ANKFN1: variants seen among roughly 807,000 people sequenced by gnomAD.
The protein encoded by ANKFN1 is ankyrin repeat and fibronectin type III domain containing 1.
A neutral mutation model predicts 108.7 loss-of-function variants in ANKFN1; 74 were observed. The ratio of observed to expected loss-of-function variants is 0.68; its 90% CI spans 0.56 to 0.83. The LOEUF is 0.83. Among genes scored for constraint, ANKFN1 ranks in the 40% least tolerant of loss-of-function variants. ANKFN1 has a pLI of 0.00. For missense variants in ANKFN1, 1,505 were observed against 1,382.3 expected (o/e 1.09, Z -1.41); for synonymous variants, 547 against 516.2 (o/e 1.06, Z -0.81).
intron 3 of ANKFN1, among the ~76,000 whole-genome samples, chr17:56,231,407 G>A (rs1165152895): frequency 1.3e-5 from 2 of 152,154 alleles, no homozygotes; most frequent in Non-Finnish European, 2.9e-5. Flanking sequence ...AAGCAGTACA[G>A]GGATGTAGCA....
chr17:56,251,017 T>C (rs1257271216), intron 3 of ANKFN1, among the ~76,000 whole-genome samples: 1 of 152,208 alleles, frequency 6.6e-6, no homozygotes, highest in Admixed American at 6.5e-5. Flanking sequence ...CAGTATTTCT[T>C]TAACTGGTTT....
At chr17:56,163,561 A>C (rs2143517344) in intron 1 of ANKFN1, among the ~76,000 whole-genome samples, 1 of 152,196 alleles carries the variant, frequency 6.6e-6, no homozygotes, top group South Asian at 2.1e-4. Flanking sequence ...ATACTTCCAT[A>C]CCTATGTTTC....
chr17:56,141,012 A>G (rs1907887765), intron 4 of ANKFN1, among the ~76,000 whole-genome samples: 1 of 152,184 alleles, frequency 6.6e-6, no homozygotes, highest in South Asian at 2.1e-4. Flanking sequence ...CTATGCACGT[A>G]ATGATTTAAG....
chr17:56,296,295 C>T (rs2044508093), intron 3 of ANKFN1, among the ~76,000 whole-genome samples: 1 of 151,894 alleles, frequency 6.6e-6, no homozygotes. Flanking sequence ...ATTTAAGATT[C>T]TCCAAAAAAA....
intron 8 of ANKFN1, among the ~76,000 whole-genome samples, chr17:56,421,643 C>T (rs2048408260): frequency 6.6e-6 from 1 of 152,144 alleles, no homozygotes. Flanking sequence ...CACTCAGAAA[C>T]CAAGCTTTAG....
chr17:56,308,781 A>C (rs937639147), intron 3 of ANKFN1, among the ~76,000 whole-genome samples: 1 of 152,154 alleles, frequency 6.6e-6, no homozygotes, highest in Non-Finnish European at 1.5e-5. Context: ...GAATGAATGA[A>C]TGCTGAATTT....
intron 11 of ANKFN1, among the ~76,000 whole-genome samples, chr17:56,449,755 C>G (rs2049421204): frequency 6.6e-6 from 1 of 152,174 alleles, no homozygotes. Flanking sequence ...CTGGATTCTT[C>G]TGGTTCTAAG....
intron 1 of ANKFN1, among the ~76,000 whole-genome samples, chr17:56,209,433 C>T (rs1433745580): frequency 6.6e-6 from 1 of 152,138 alleles, no homozygotes; most frequent in Non-Finnish European, 1.5e-5. Flanking sequence ...GGTAAACTTA[C>T]TTAGAAGGTT....
At chr17:56,361,248 A>T (rs2046509043) in intron 6 of ANKFN1, among the ~76,000 whole-genome samples, 1 of 152,158 alleles carries the variant, frequency 6.6e-6, no homozygotes, top group African/African-American at 2.4e-5. Context: ...AGATAAAGTT[A>T]AAAGGTATCT....
intron 6 of ANKFN1, among the ~76,000 whole-genome samples, 175 bp downstream of exon 6, chr17:56,354,221 A>T (rs1393677345): frequency 6.6e-6 from 1 of 152,234 alleles, no homozygotes; most frequent in African/African-American, 2.4e-5. Context: ...TATTGGTCTA[A>T]GCATCAAGTT....
chr17:56,480,561 C>A (rs777353263), intron 16 of ANKFN1, 107 bp from the exon 17 acceptor site: 37 of 1,182,936 alleles, frequency 3.1e-5, no homozygotes, highest in Non-Finnish European at 4.2e-5. Flanking sequence ...TGAGTTTTAA[C>A]CACCAAGCAT....
chr17:56,472,474 A>C (rs2050353977), intron 15 of ANKFN1: 1 of 152,212 alleles, frequency 6.6e-6, no homozygotes, highest in South Asian at 2.1e-4. Context: ...TACCCTTCCT[A>C]GTCACTGTGC....
Position 56,504,336 on chromosome 17 carries a change from GTCTTTCCTGAAATGTCATCTCCCCA to G in ANKFN1, c.2644+5253_2644+5277del, listed in dbSNP as rs933259689. ...AATCAAGAGAAGCTTTAAGTCAATA[GTCTTTCCTGAAATGTCATCTCCCCA>G]TCTTTCCTGAAATGAAATCTCCTAT... On this transcript the variant is annotated intron_variant, in intron 20 of 20. Coordinates refer to ENST00000682825, the MANE Select transcript of ANKFN1 (RefSeq NM_001370326.1). Among the ~76,000 whole-genome samples, 24 of 152,036 alleles carry G rather than the reference GTCTTTCCTGAAATGTCATCTCCCCA, an allele frequency of 1.6e-4. 1 individual carries two copies. The highest frequency in any genetic ancestry group is 5.3e-4 in the African/African-American group (22 of 41,458).
chr17:56,202,271 A>G (rs1231530340), intron 1 of ANKFN1, among the ~76,000 whole-genome samples: 2 of 151,854 alleles, frequency 1.3e-5, no homozygotes, highest in Non-Finnish European at 2.9e-5. Context: ...TACCTAAGTG[A>G]TTAGTAAGAG....
chr17:56,142,435 G>T (rs913245329), intron 4 of ANKFN1, among the ~76,000 whole-genome samples: 3 of 152,124 alleles, frequency 2.0e-5, no homozygotes, highest in Admixed American at 2.0e-4. Flanking sequence ...CCAACAAAAG[G>T]TTCTTTTGCA....
At chr17:56,154,642 CAAA>C (rs60522690) in intron 1 of ANKFN1, among the ~76,000 whole-genome samples, 5 of 134,082 alleles carry the variant, frequency 3.7e-5, no homozygotes, top group Non-Finnish European at 4.8e-5. Context: ...ATGCCAACAC[CAAA>C]AAAAAAAAAA....
intron 2 of ANKFN1, among the ~76,000 whole-genome samples, chr17:56,225,696 A>G (rs1381039403): frequency 1.3e-5 from 2 of 152,232 alleles, no homozygotes; most frequent in African/African-American, 4.8e-5. Context: ...ATAAGCTTTA[A>G]AAAAGCAGAG....
chr17:56,267,050 T>C (rs1027238241), intron 3 of ANKFN1, among the ~76,000 whole-genome samples: 4 of 152,154 alleles, frequency 2.6e-5, no homozygotes, highest in African/African-American at 9.7e-5. Flanking sequence ...CAATAGGTAG[T>C]TTTTCCGTCC....
intron 2 of ANKFN1, among the ~76,000 whole-genome samples, chr17:56,216,889 T>C (rs544360500): frequency 1.3e-5 from 2 of 152,268 alleles, no homozygotes; most frequent in South Asian, 4.1e-4. Flanking sequence ...GGAATTCTAG[T>C]CAGAGAAATA....
Sources: gnomAD v4.1 joint callset for allele counts (sites outside exome capture counted in the v4.1 genomes callset) on GRCh38, gnomAD v4.1.1 for gene constraint, MANE v1.5 for transcripts, NCBI Gene and HGNC (gene_info 2026-07-23, HGNC 2026-07-21) for gene names.